The following CPQ variants were observed in gnomAD, a reference collection of about 807,000 sequenced individuals.
CPQ encodes Ser-Met dipeptidase.
CPQ carries 37 observed loss-of-function variants against 45.7 expected under a neutral mutation model. That is an observed-to-expected ratio of 0.81 (90% CI 0.62 to 1.07). The LOEUF (loss-of-function observed/expected upper bound fraction) is 1.07, where lower values mean the gene tolerates loss of function less well. CPQ is among the 50% of genes least tolerant of loss of function. The pLI is 0.00. For synonymous variants in CPQ, 186 were observed against 205.8 expected, an observed-to-expected ratio of 0.90 and a Z score of 0.82; for missense variants, 537 against 572.9, an observed-to-expected ratio of 0.94 and a Z score of 0.64.
intron 7 of CPQ, among the ~76,000 whole-genome samples, chr8:97,080,955 T>C (rs1345426444): frequency 6.6e-6 from 1 of 152,026 alleles, no homozygotes; most frequent in Non-Finnish European, 1.5e-5. Flanking sequence ...CTTCCTTCTA[T>C]ACATGTATTT....
Position 97,016,791 on chromosome 8 carries a change from T to C in CPQ, c.962-12612T>C, listed in dbSNP as rs115241241. On this transcript the variant is annotated intron_variant, in intron 5 of 7. Transcript: ENST00000220763. ...GATAGGAAGAAGAGCATATACAAAA[T>C]GTCAAAACTCTGAGATAACATGGCC... 3.1e-3 allele frequency among the ~76,000 whole-genome samples: 464 copies of C among 152,122 alleles called. 1 individual carries two copies. Among genetic ancestry groups the C allele is most frequent in the African/African-American group, 9.6e-3 (397 of 41,494 alleles).
chr8:96,730,874 T>TATATATATA (rs1809904226), intron 1 of CPQ, among the ~76,000 whole-genome samples: 5 of 120,498 alleles, frequency 4.1e-5, no homozygotes, highest in Non-Finnish European at 7.4e-5. Context: ...TACATATATA[T>TATATATATA]ATATATATAT....
chr8:97,134,500 A>G (rs1812016009), intron 7 of CPQ, among the ~76,000 whole-genome samples: 1 of 152,196 alleles, frequency 6.6e-6, no homozygotes, highest in Admixed American at 6.5e-5. Context: ...TAGGGCTGCC[A>G]TTCATCTTCT....
intron 3 of CPQ, among the ~76,000 whole-genome samples, chr8:96,863,341 G>A (rs1300707637): frequency 6.6e-6 from 1 of 152,008 alleles, no homozygotes; most frequent in African/African-American, 2.4e-5. Context: ...GGGGTGGGAA[G>A]CAGGACTTTA....
chr8:97,133,686 A>G (rs1012032006), intron 7 of CPQ, among the ~76,000 whole-genome samples: 3 of 152,230 alleles, frequency 2.0e-5, no homozygotes, highest in African/African-American at 4.8e-5. Flanking sequence ...AGAAGCCAAT[A>G]AACTGTAACA....
At chr8:96,698,116 A>T (rs1335928267) in intron 1 of CPQ, among the ~76,000 whole-genome samples, 2 of 152,166 alleles carry the variant, frequency 1.3e-5, no homozygotes, top group South Asian at 4.1e-4. Flanking sequence ...ACTGAGCCAT[A>T]GTAACCAAAA....
At chr8:97,111,071 C>A (rs1035548809) in intron 7 of CPQ, among the ~76,000 whole-genome samples, 1 of 152,182 alleles carries the variant, frequency 6.6e-6, no homozygotes, top group African/African-American at 2.4e-5. Flanking sequence ...AGCCATTGAT[C>A]TTACCTGTGG....
rs752985512 is a variant in CPQ, at chr8:96,855,135, C to A, written c.641+19955C>A. On this transcript the variant is annotated intron_variant, in intron 3 of 7. Coordinates refer to ENST00000220763, the MANE Select transcript of CPQ (RefSeq NM_016134.4). The stretch of plus-strand genomic sequence containing the variant: ...CTTTCAGCTGCTTGAATAGGGTCCA[C>A]TCACATTGGGAAAGGCAATGTGCTT... 5.1e-4 allele frequency among the ~76,000 whole-genome samples: 78 copies of A among 152,278 alleles called. No homozygotes were observed. The Middle Eastern group carries it at 0.02, about 40-fold the overall frequency.
chr8:96,924,935 C>T (rs970963245), intron 4 of CPQ, among the ~76,000 whole-genome samples: 6 of 151,976 alleles, frequency 3.9e-5, no homozygotes, highest in African/African-American at 7.3e-5. Flanking sequence ...TTTAACACAG[C>T]GATCTACCCT....
At position 97,010,201 on chromosome 8, in the gene CPQ, C is replaced by A. The variant is rs186708901; in HGVS notation, c.962-19202C>A. On this transcript the variant is annotated intron_variant, in intron 5 of 7. Coordinates refer to ENST00000220763, the MANE Select transcript of CPQ (RefSeq NM_016134.4). ...GTTATTGAAGTCCAGCCTCTGTGGT[C>A]TACCTATGCCATTAGTATTTGTCCT... Among the ~76,000 whole-genome samples the A allele has an allele frequency of 4.0e-3, 607 of 152,270 alleles. 1 individual carries two copies. Among genetic ancestry groups the A allele is most frequent in the Non-Finnish European group, 6.3e-3 (431 of 68,024 alleles).
At chr8:97,090,570 T>C (rs1003727906) in intron 7 of CPQ, among the ~76,000 whole-genome samples, 2 of 152,182 alleles carry the variant, frequency 1.3e-5, no homozygotes, top group African/African-American at 4.8e-5. Flanking sequence ...AACCACTCTC[T>C]AACTGGTGTC....
At chr8:96,821,011 A>G (rs1476230117) in intron 2 of CPQ, among the ~76,000 whole-genome samples, 1 of 150,378 alleles carries the variant, frequency 6.6e-6, no homozygotes, top group Admixed American at 6.6e-5. Context: ...TGTGGTTTTC[A>G]TTTGCATTTC....
At chr8:96,992,489 A>G (rs902745993) in intron 5 of CPQ, among the ~76,000 whole-genome samples, 4 of 152,174 alleles carry the variant, frequency 2.6e-5, no homozygotes, top group Non-Finnish European at 4.4e-5. Context: ...AGATATTATT[A>G]TTATCATTTA....
At chr8:96,855,476 A>G (rs1224276055) in intron 3 of CPQ, among the ~76,000 whole-genome samples, 1 of 152,180 alleles carries the variant, frequency 6.6e-6, no homozygotes, top group Non-Finnish European at 1.5e-5. Flanking sequence ...TAGCTTCCAA[A>G]CTATAGAAAG....
intron 6 of CPQ, among the ~76,000 whole-genome samples, chr8:97,060,366 G>A (rs1193166504): frequency 1.3e-5 from 2 of 152,122 alleles, no homozygotes; most frequent in African/African-American, 2.4e-5. Flanking sequence ...GTTACAGCAT[G>A]TGATTGTAGC....
At chr8:96,744,397 AC>A (rs1196731750) in intron 1 of CPQ, among the ~76,000 whole-genome samples, 1 of 151,976 alleles carries the variant, frequency 6.6e-6, no homozygotes, top group Non-Finnish European at 1.5e-5. Context: ...AATGAGATGA[AC>A]CCGGTACCTG....
Position 96,797,685 on chromosome 8 carries a change from G to A in CPQ, c.433+12355G>A, listed in dbSNP as rs541453155. ...TAATCTCAGTGCTTTGGGAGGCCGA[G>A]GCAGATGGATCACCTGAGGTTAGGA... On this transcript the variant is annotated intron_variant, in intron 2 of 7. Transcript: ENST00000220763. Among the ~76,000 whole-genome samples the A allele has an allele frequency of 7.9e-5, 12 of 152,234 alleles. No homozygotes were observed. The South Asian group carries it at 2.5e-3, about 32-fold the overall frequency.
Position 96,803,407 on chromosome 8 carries a change from G to A in CPQ, c.433+18077G>A, listed in dbSNP as rs1255374917. Among the ~76,000 whole-genome samples the A allele has an allele frequency of 3.3e-5, 5 of 152,206 alleles. No individual in the cohort carries two copies. The South Asian group carries it at 1.0e-3, about 31-fold the overall frequency. ...ATGGTTTGATTTAATGGCTTCAGAA[G>A]TGGAGAAGCAAAAATGTTAAAGATC... On this transcript the variant is annotated intron_variant, in intron 2 of 7. Coordinates refer to ENST00000220763, the MANE Select transcript of CPQ (RefSeq NM_016134.4).
intron 3 of CPQ, among the ~76,000 whole-genome samples, chr8:96,869,124 C>T (rs550755940): frequency 1.0e-3 from 153 of 152,072 alleles, no homozygotes; most frequent in African/African-American, 3.5e-3. Flanking sequence ...AAATTAGTCT[C>T]ATTATTTTAT....
Sources: gnomAD v4.1 joint callset for allele counts (sites outside exome capture counted in the v4.1 genomes callset) on GRCh38, gnomAD v4.1.1 for gene constraint, MANE v1.5 for transcripts, NCBI Gene and HGNC (gene_info 2026-07-23, HGNC 2026-07-21) for gene names.